TCF12: variants seen among roughly 807,000 people sequenced by gnomAD.
TCF12 encodes the protein DNA-binding protein HTF4.
TCF12 carries 45 observed loss-of-function variants against 86.0 expected under a neutral mutation model. The ratio of observed to expected loss-of-function variants is 0.52; its 90% CI spans 0.41 to 0.67. TCF12 has a LOEUF of 0.67. Among genes scored for constraint, TCF12 ranks in the 30% least tolerant of loss-of-function variants. TCF12 has a pLI of 0.00. For synonymous variants in TCF12, 330 were observed against 299.6 expected (o/e 1.10, Z -1.05); for missense variants, 881 against 859.9 (o/e 1.02, Z -0.31).
intron 8 of TCF12, among the ~76,000 whole-genome samples, chr15:57,206,686 C>G (rs1203393219): frequency 1.4e-5 from 2 of 146,024 alleles, no homozygotes; most frequent in African/African-American, 2.5e-5. Context: ...CTCCTGTACT[C>G]GGAAGGCTGA....
intron 8 of TCF12, among the ~76,000 whole-genome samples, chr15:57,220,226 A>C (rs1461738875): frequency 2.0e-5 from 3 of 152,204 alleles, no homozygotes; most frequent in Non-Finnish European, 4.4e-5. Flanking sequence ...TTGTGAACAA[A>C]TCCTTACATA....
chr15:57,093,598 G>A (rs1444754898), intron 5 of TCF12, among the ~76,000 whole-genome samples: 1 of 152,134 alleles, frequency 6.6e-6, no homozygotes, highest in Non-Finnish European at 1.5e-5. Context: ...AATCCTAAGA[G>A]GTATGCATGT....
At chr15:56,965,862 C>T (rs2061979502) in intron 3 of TCF12, among the ~76,000 whole-genome samples, 2 of 152,208 alleles carry the variant, frequency 1.3e-5, no homozygotes, top group South Asian at 4.1e-4. Context: ...TAGTCACTGG[C>T]TCTGATAGCA....
At chr15:56,979,331 C>G (rs2062772679) in intron 3 of TCF12, among the ~76,000 whole-genome samples, 1 of 152,050 alleles carries the variant, frequency 6.6e-6, no homozygotes, top group South Asian at 2.1e-4. Flanking sequence ...TTTTCATTGA[C>G]TTTATTTAAA....
rs752988870 is a variant in TCF12, at chr15:57,166,424, A to G, written c.348A>G (p.Ser116=). 1.2e-6 allele frequency: 2 copies of G among 1,612,490 alleles called. No individual in the cohort carries two copies. The highest frequency in any genetic ancestry group is 1.3e-5 in the African/African-American group (1 of 74,868). The change falls in exon 6 of 21, where the codon TCA becomes TCG. Residue 116 remains serine (S), a synonymous_variant. Transcript: ENST00000333725. ...TAGGAAAAACATCAGAGAGAGGCTC[A>G]TTTTCCCTGTACAGCAGAGATACTG... ...NLMGKTSERG[S]FSLYSRDTGL...
At chr15:57,000,331 C>T (rs2063950668) in intron 3 of TCF12, among the ~76,000 whole-genome samples, 1 of 141,444 alleles carries the variant, frequency 7.1e-6, no homozygotes, top group Admixed American at 7.4e-5. Flanking sequence ...TGAGCCACTG[C>T]ACCTGGCCAG....
chr15:57,166,374 A>T lies in TCF12; in HGVS notation c.326-28A>T, dbSNP rs368312274. On this transcript the variant is annotated intron_variant, in intron 5 of 20. Coordinates refer to ENST00000333725, the MANE Select transcript of TCF12 (RefSeq NM_207037.2). ...TGTCTGTCAATAAATGAAGGGTTTT[A>T]TATAAAGTTAATTTCTTTGTTTTAT... 1.3e-5 allele frequency: 20 copies of T among 1,593,540 alleles called. No homozygotes were observed. In the African/African-American group the frequency reaches 1.9e-4, roughly 15 times the overall value.
chr15:56,974,142 G>A (rs1282817685), intron 3 of TCF12, among the ~76,000 whole-genome samples: 3 of 152,038 alleles, frequency 2.0e-5, no homozygotes, highest in South Asian at 4.1e-4. Flanking sequence ...TATTGTTTTG[G>A]TGTTAAGTTT....
chr15:57,221,275 T>C (rs1408826357), intron 8 of TCF12, among the ~76,000 whole-genome samples: 1 of 152,068 alleles, frequency 6.6e-6, no homozygotes, highest in East Asian at 1.9e-4. Flanking sequence ...AATTATTTAA[T>C]CTCTATATAA....
At chr15:57,082,207 A>G (rs1383057358) in intron 4 of TCF12, among the ~76,000 whole-genome samples, 1 of 152,194 alleles carries the variant, frequency 6.6e-6, no homozygotes, top group African/African-American at 2.4e-5. Flanking sequence ...TCCTACCAAG[A>G]TATGCAGTAC....
intron 8 of TCF12, among the ~76,000 whole-genome samples, chr15:57,218,066 C>G (rs2058405559): frequency 6.6e-6 from 1 of 151,984 alleles, no homozygotes; most frequent in Non-Finnish European, 1.5e-5. Flanking sequence ...GTTAGTTGCC[C>G]TTATTGTCTG....
chr15:57,202,068 A>G (rs1597278896), intron 8 of TCF12, among the ~76,000 whole-genome samples: 1 of 152,182 alleles, frequency 6.6e-6, no homozygotes, highest in African/African-American at 2.4e-5. Context: ...ACCATTACCC[A>G]TATCCTAATC....
At chr15:56,974,970 A>G (rs2062525077) in intron 3 of TCF12, among the ~76,000 whole-genome samples, 1 of 152,174 alleles carries the variant, frequency 6.6e-6, no homozygotes, top group African/African-American at 2.4e-5. Flanking sequence ...TTAAAAAATC[A>G]TTAGCCATGT....
chr15:57,235,254 C>T (rs1390540256), intron 12 of TCF12, among the ~76,000 whole-genome samples: 3 of 152,136 alleles, frequency 2.0e-5, no homozygotes, highest in African/African-American at 7.2e-5. Flanking sequence ...CGCACCTATA[C>T]TGAGCATTTA....
chr15:57,181,992 T>G (rs2056384241), intron 6 of TCF12, among the ~76,000 whole-genome samples: 1 of 152,158 alleles, frequency 6.6e-6, no homozygotes, highest in Admixed American at 6.5e-5. Flanking sequence ...TAAAAAAGAT[T>G]ATTTTCCAAG....
At chr15:57,245,259 A>G (rs1030008404) in intron 13 of TCF12, among the ~76,000 whole-genome samples, 31 of 152,224 alleles carry the variant, frequency 2.0e-4, no homozygotes, top group African/African-American at 7.0e-4. Flanking sequence ...GCTTTCAGCT[A>G]TTAGCAGGTT....
At chr15:56,960,043 C>T (rs1267310908) in intron 3 of TCF12, among the ~76,000 whole-genome samples, 2 of 152,040 alleles carry the variant, frequency 1.3e-5, no homozygotes, top group Non-Finnish European at 2.9e-5. Context: ...TTTGCACCAA[C>T]CCAATACTAT....
intron 7 of TCF12, 109 bp downstream of exon 7, chr15:57,192,402 T>G (rs1286939495): frequency 1.4e-6 from 2 of 1,448,222 alleles, no homozygotes; most frequent in Non-Finnish European, 9.3e-7. Flanking sequence ...TCCGTTTCTT[T>G]GTTTAAGACA....
rs113851930 is a variant in TCF12 at position 57,162,219 on chromosome 15, A to G, written c.326-4183A>G. Reference sequence around the variant, plus strand: ...GACTGGTTAAAATTGTCTATACTTCATTTATGTATATTTATGTTAAAAAAA... The same window carrying G: ...GACTGGTTAAAATTGTCTATACTTCGTTTATGTATATTTATGTTAAAAAAA... On this transcript the variant is annotated intron_variant, in intron 5 of 20. Coordinates refer to ENST00000333725, the MANE Select transcript of TCF12 (RefSeq NM_207037.2). Among the ~76,000 whole-genome samples the G allele has an allele frequency of 2.0e-3, 292 of 145,722 alleles. 5 individuals are homozygous for G. Among genetic ancestry groups the G allele is most frequent in the African/African-American group, 7.5e-3 (282 of 37,586 alleles).
Sources: gnomAD v4.1 joint callset for allele counts (sites outside exome capture counted in the v4.1 genomes callset) on GRCh38, gnomAD v4.1.1 for gene constraint, MANE v1.5 for transcripts, NCBI Gene and HGNC (gene_info 2026-07-23, HGNC 2026-07-21) for gene names.